The following IL23R variants were observed in gnomAD, a reference collection of about 807,000 sequenced individuals.
IL23R encodes the protein interleukin-23 receptor.
In IL23R, 34 loss-of-function variants were observed where a neutral mutation model predicts 56.9. The observed-to-expected ratio is 0.60, with a 90% CI of 0.45 to 0.80. The LOEUF (loss-of-function observed/expected upper bound fraction) is 0.80. Among genes scored for constraint, IL23R ranks in the 30% least tolerant of loss-of-function variants. The pLI, the probability that IL23R is intolerant of heterozygous loss-of-function variation, is 0.00. For missense variants in IL23R, 635 were observed against 730.0 expected (o/e 0.87, Z 1.50); for synonymous variants, 230 against 249.2 (o/e 0.92, Z 0.73).
chr1:67,203,519 C>T (rs758050399), intron 5 of IL23R, among the ~76,000 whole-genome samples: 2 of 152,120 alleles, frequency 1.3e-5, no homozygotes, highest in Non-Finnish European at 2.9e-5. Flanking sequence ...TCCTCCACCT[C>T]TTCCTCCCCT....
the IL23R span, among the ~76,000 whole-genome samples, chr1:67,265,323 T>C: frequency 1.3e-5 from 2 of 152,220 alleles, no homozygotes; most frequent in Non-Finnish European, 2.9e-5. Context: ...AAAGTGACAG[T>C]TGCTATTCAC....
At chr1:67,191,563 C>T (rs1647746473) in intron 4 of IL23R, among the ~76,000 whole-genome samples, 1 of 152,134 alleles carries the variant, frequency 6.6e-6, no homozygotes, top group African/African-American at 2.4e-5. Context: ...AAATATAACC[C>T]TCCCTTTGTT....
intron 9 of IL23R, among the ~76,000 whole-genome samples, chr1:67,248,428 T>C (rs1652387419): frequency 1.3e-5 from 2 of 152,218 alleles, no homozygotes; most frequent in Admixed American, 6.5e-5. Flanking sequence ...TTGTGTATGC[T>C]TCACGAAGTT....
intron 8 of IL23R, 35 bp from the exon 9 acceptor site, chr1:67,240,144 G>C (rs762212280): frequency 1.5e-6 from 2 of 1,367,700 alleles, no homozygotes; most frequent in South Asian, 2.3e-5. Flanking sequence ...GAAGACTAAT[G>C]CTTGGTTAAA....
chr1:67,228,073 CTT>C (rs1237946108), intron 7 of IL23R, among the ~76,000 whole-genome samples: 6 of 78,660 alleles, frequency 7.6e-5, no homozygotes, highest in Admixed American at 3.4e-4. Flanking sequence ...CTGTCTCTCT[CTT>C]TCTTTCTTTT....
chr1:67,202,360 C>A (rs934653224), intron 5 of IL23R, among the ~76,000 whole-genome samples: 2 of 152,012 alleles, frequency 1.3e-5, no homozygotes, highest in African/African-American at 2.4e-5. Flanking sequence ...TGCCACCATG[C>A]CCAGCTGATC....
upstream of IL23R, among the ~76,000 whole-genome samples, chr1:67,161,519 A>G (rs1433215734): frequency 6.6e-6 from 1 of 152,068 alleles, no homozygotes; most frequent in African/African-American, 2.4e-5. Context: ...TTGAGCTTCA[A>G]TGCAGTGGTC....
chr1:67,203,738 C>G (rs147885108), intron 5 of IL23R, among the ~76,000 whole-genome samples: 152 of 152,352 alleles, frequency 1.0e-3, no homozygotes, highest in African/African-American at 3.5e-3. Flanking sequence ...GAACAGAAGA[C>G]TGTCCTGGGA....
At chr1:67,201,800 T>C (rs1354410710) in intron 5 of IL23R, among the ~76,000 whole-genome samples, 1 of 152,172 alleles carries the variant, frequency 6.6e-6, no homozygotes, top group African/African-American at 2.4e-5. Context: ...GTTTCAGATA[T>C]TTTATACCCT....
In IL23R at chr1:67,171,622, C is replaced by G. The variant is rs946469395; in HGVS notation, c.367+1984C>G. Among the ~76,000 whole-genome samples the G allele has an allele frequency of 2.0e-5, 3 of 152,154 alleles. No homozygotes were observed. In the East Asian group the frequency reaches 5.8e-4, roughly 29 times the overall value. ...CATCCCTGCTCAGGTTGACTGGGCT[C>G]TTTCTACGTGGTTGCTGTGAATTTT... On this transcript the variant is annotated intron_variant, in intron 3 of 10. Transcript: ENST00000347310.
chr1:67,216,136 G>A (rs886064755), intron 6 of IL23R, among the ~76,000 whole-genome samples: 24 of 152,004 alleles, frequency 1.6e-4, no homozygotes, highest in African/African-American at 5.3e-4. Flanking sequence ...AGTTGCGAAC[G>A]GCAATCCACA....
intron 1 of IL23R, among the ~76,000 whole-genome samples, chr1:67,146,411 T>G (rs535001015): frequency 4.6e-5 from 7 of 152,306 alleles, no homozygotes; most frequent in Admixed American, 4.6e-4. Flanking sequence ...GCTGATCTGT[T>G]GCCCTTTAGA....
chr1:67,224,602 G>A (rs1650497254), intron 7 of IL23R, among the ~76,000 whole-genome samples: 1 of 152,130 alleles, frequency 6.6e-6, no homozygotes, highest in Admixed American at 6.5e-5. Context: ...GCCTGGCTTG[G>A]CCATTAAAAA....
intron 1 of IL23R, among the ~76,000 whole-genome samples, chr1:67,157,663 C>T (rs1173409359): frequency 6.6e-6 from 1 of 152,212 alleles, no homozygotes; most frequent in African/African-American, 2.4e-5. Flanking sequence ...AACTCCATGG[C>T]CTGCTTCCTC....
At chr1:67,227,948 TTCTTTCTTTCTTTC>T (rs1204134322) in intron 7 of IL23R, among the ~76,000 whole-genome samples, 1 of 15,818 alleles carries the variant, frequency 6.3e-5, no homozygotes. Context: ...AGATCTTTCT[TTCTTTCTTTCTTTC>T]TTTCTTTCTT....
In IL23R at chr1:67,228,040, TTTCTC is replaced by T. The variant is rs1650803940; in HGVS notation, c.955+8313_955+8317del. Among the ~76,000 whole-genome samples the T allele has an allele frequency of 9.0e-5, 7 of 77,380 alleles. 1 individual carries two copies. The highest frequency in any genetic ancestry group is 4.1e-4 in the African/African-American group (7 of 17,060). 50.8% of individuals were successfully genotyped at this position (77,380 alleles called of 152,430 possible). Reference sequence around the variant, plus strand: ...TTTCTTCCTTTCTTTCTTTTCTTTCTTTCTCTTTCTTTCTTTCTTTCTCTGTCTCT... The same window carrying T: ...TTTCTTCCTTTCTTTCTTTTCTTTCTTTTCTTTCTTTCTTTCTCTGTCTCT... On this transcript the variant is annotated intron_variant, in intron 7 of 10. Coordinates refer to ENST00000347310, the MANE Select transcript of IL23R (RefSeq NM_144701.3).
intron 6 of IL23R, among the ~76,000 whole-genome samples, chr1:67,209,928 T>C (rs2102643545): frequency 6.6e-6 from 1 of 152,360 alleles, no homozygotes; most frequent in African/African-American, 2.4e-5. Flanking sequence ...TCTCCTAGGG[T>C]GAAATTTATA....
chr1:67,199,346 G>C lies in IL23R; in HGVS notation c.492-1391G>C, dbSNP rs542428602. 3.3e-5 allele frequency among the ~76,000 whole-genome samples: 5 copies of C among 152,124 alleles called. No homozygotes were observed. The South Asian group carries it at 1.0e-3, about 32-fold the overall frequency. ...GTTGGCCTTCCCCCTACCCCATTGC[G>C]ATCTCTCACCCCATCCTGACTCCTC... On this transcript the variant is annotated intron_variant, in intron 4 of 10. Transcript: ENST00000347310.
chr1:67,245,075 T>C (rs1018391136), intron 9 of IL23R, among the ~76,000 whole-genome samples: 2 of 152,222 alleles, frequency 1.3e-5, no homozygotes, highest in Admixed American at 6.5e-5. Context: ...TTTGTAGCAA[T>C]TGTGAATGGG....
Sources: gnomAD v4.1 joint callset for allele counts (sites outside exome capture counted in the v4.1 genomes callset) on GRCh38, gnomAD v4.1.1 for gene constraint, MANE v1.5 for transcripts, NCBI Gene and HGNC (gene_info 2026-07-23, HGNC 2026-07-21) for gene names.